Variants in CNTN1 observed in about 807,000 individuals in gnomAD.
CNTN1 encodes the protein contactin-1.
Under a neutral mutation model 126.4 loss-of-function variants are expected in CNTN1, and 38 were observed. The observed-to-expected ratio is 0.30, with a 90% CI of 0.23 to 0.39. The LOEUF (loss-of-function observed/expected upper bound fraction) is 0.39, where lower values mean the gene tolerates loss of function less well. Among genes scored for constraint, CNTN1 ranks in the 10% least tolerant of loss-of-function variants. CNTN1 has a pLI of 1.00. For synonymous variants in CNTN1, 413 were observed against 422.6 expected, an observed-to-expected ratio of 0.98 and a Z score of 0.28; for missense variants, 1,009 against 1,248.4, an observed-to-expected ratio of 0.81 and a Z score of 2.89.
intron 7 of CNTN1, among the ~76,000 whole-genome samples, chr12:40,930,579 C>G (rs1945849779): frequency 6.6e-6 from 1 of 151,914 alleles, no homozygotes. Flanking sequence ...TGAACTACTT[C>G]CCTTTTAAAA....
At chr12:40,998,988 T>G (rs1322846232) in intron 17 of CNTN1, among the ~76,000 whole-genome samples, 5 of 152,108 alleles carry the variant, frequency 3.3e-5, no homozygotes, top group African/African-American at 1.2e-4. Context: ...TTTTTATAAT[T>G]TAGGATTTGT....
At chr12:40,830,178 A>G (rs929752680) in intron 1 of CNTN1, among the ~76,000 whole-genome samples, 4 of 152,158 alleles carry the variant, frequency 2.6e-5, no homozygotes, top group African/African-American at 9.7e-5. Context: ...TGTTCAGATA[A>G]AGAATAGTTT....
At chr12:41,064,195 G>C (rs280363) in intron 23 of CNTN1, among the ~76,000 whole-genome samples, 7,830 of 149,954 alleles carry the variant, frequency 0.052, 499 homozygotes, top group Admixed American at 0.15. Flanking sequence ...AAAAAACAAT[G>C]TGAGGCAAAT....
intron 1 of CNTN1, among the ~76,000 whole-genome samples, chr12:40,903,631 C>G (rs1387115172): frequency 6.6e-6 from 1 of 152,034 alleles, no homozygotes; most frequent in East Asian, 1.9e-4. Context: ...AGATCACCAG[C>G]AGAAAAATAA....
chr12:40,800,955 G>A (rs1180084090), intron 1 of CNTN1, among the ~76,000 whole-genome samples: 5 of 150,916 alleles, frequency 3.3e-5, no homozygotes, highest in African/African-American at 9.8e-5. Flanking sequence ...ATAAGAATGA[G>A]TAAGTTTGGA....
At chr12:40,860,770 C>A (rs574869964) in intron 1 of CNTN1, among the ~76,000 whole-genome samples, 3 of 152,048 alleles carry the variant, frequency 2.0e-5, no homozygotes, top group Non-Finnish European at 2.9e-5. Context: ...CAAACCCCAG[C>A]ATTTAGGGAT....
intron 23 of CNTN1, among the ~76,000 whole-genome samples, chr12:41,054,232 C>T (rs1949753417): frequency 6.6e-6 from 1 of 151,544 alleles, no homozygotes; most frequent in African/African-American, 2.4e-5. Flanking sequence ...ATAAATTTTG[C>T]TAGGAGTTAT....
chr12:40,993,388 T>C (rs1271097739), intron 17 of CNTN1, 119 bp downstream of exon 17: 3 of 828,828 alleles, frequency 3.6e-6, no homozygotes, highest in Non-Finnish European at 5.9e-6. Context: ...CTGAAAAGCA[T>C]GTGTGTGTAT....
At chr12:40,772,208 T>C (rs371361260) in intron 1 of CNTN1, among the ~76,000 whole-genome samples, 2 of 152,090 alleles carry the variant, frequency 1.3e-5, no homozygotes, top group East Asian at 3.8e-4. Flanking sequence ...TAAAGTTGTT[T>C]CTAAATTGCC....
chr12:40,740,801 G>A (rs1398039905), intron 1 of CNTN1, among the ~76,000 whole-genome samples: 1 of 152,060 alleles, frequency 6.6e-6, no homozygotes, highest in African/African-American at 2.4e-5. Flanking sequence ...CACAAGATTT[G>A]ATGGTTTTAT....
chr12:40,835,803 C>CACACA (rs1555166341), intron 1 of CNTN1, among the ~76,000 whole-genome samples: 1 of 97,624 alleles, frequency 1.0e-5, no homozygotes, highest in Non-Finnish European at 2.4e-5. Flanking sequence ...TATTTATACA[C>CACACA]ACACACACAC....
At chr12:41,028,793 T>C (rs1949085786) in intron 22 of CNTN1, among the ~76,000 whole-genome samples, 1 of 152,202 alleles carries the variant, frequency 6.6e-6, no homozygotes. Flanking sequence ...ATTCTTTCTA[T>C]ATTTTTATTT....
At chr12:41,023,833 C>CA (rs1948979932) in intron 20 of CNTN1, among the ~76,000 whole-genome samples, 1 of 152,110 alleles carries the variant, frequency 6.6e-6, no homozygotes, top group African/African-American at 2.4e-5. Flanking sequence ...GAGCCTCAAA[C>CA]AAAGATGTGG....
At chr12:41,032,510 T>TAAGAA (rs1239975957) in intron 23 of CNTN1, among the ~76,000 whole-genome samples, 1 of 152,240 alleles carries the variant, frequency 6.6e-6, no homozygotes. Flanking sequence ...CTTTCTCTGT[T>TAAGAA]GACATTTCTC....
In CNTN1 at chr12:41,053,106, G is replaced by C. The variant is rs12298802; in HGVS notation, c.2981-16853G>C. On this transcript the variant is annotated intron_variant, in intron 23 of 23. Transcript: ENST00000551295. Reference sequence around the variant, plus strand: ...TCTAAAATATAAAGCAAACCAATTTGATAGAGAAATATTTGAAGTAGAAAA... The same window carrying C: ...TCTAAAATATAAAGCAAACCAATTTCATAGAGAAATATTTGAAGTAGAAAA... Among the ~76,000 whole-genome samples, 1,330 of 151,464 alleles carry C rather than the reference G, an allele frequency of 8.8e-3. 20 individuals carry two copies. The highest frequency in any genetic ancestry group is 0.03 in the African/African-American group (1,235 of 41,414).
intron 1 of CNTN1, among the ~76,000 whole-genome samples, chr12:40,769,109 A>G (rs775098511): frequency 2.6e-5 from 4 of 152,172 alleles, no homozygotes; most frequent in Non-Finnish European, 5.9e-5. Flanking sequence ...TGCAAATTAC[A>G]AAGTCAGATA....
chr12:40,721,225 C>G (rs1438190289), intron 1 of CNTN1, among the ~76,000 whole-genome samples: 1 of 152,084 alleles, frequency 6.6e-6, no homozygotes, highest in African/African-American at 2.4e-5. Context: ...CCATCTCCGT[C>G]CTCTTTCATA....
intron 1 of CNTN1, chr12:40,896,215 G>A (rs1044399389): frequency 2.0e-5 from 3 of 151,880 alleles, no homozygotes; most frequent in African/African-American, 7.3e-5. Context: ...TTACACTTAT[G>A]CACATGTATT....
At chr12:40,944,342 C>G (rs1946364485) in intron 14 of CNTN1, among the ~76,000 whole-genome samples, 172 bp downstream of exon 14, 1 of 151,986 alleles carries the variant, frequency 6.6e-6, no homozygotes, top group African/African-American at 2.4e-5. Context: ...ACTGCTAAAT[C>G]TTTCTAAAAT....
Sources: allele counts gnomAD v4.1 joint callset (sites outside exome capture counted in the v4.1 genomes callset), GRCh38; gene constraint gnomAD v4.1.1; transcripts MANE v1.5; gene names NCBI Gene and HGNC (gene_info 2026-07-23, HGNC 2026-07-21).